DCC: variants seen among roughly 807,000 people sequenced by gnomAD.
The protein encoded by DCC is DCC netrin 1 receptor.
DCC carries 58 observed loss-of-function variants against 172.5 expected under a neutral mutation model. The ratio of observed to expected loss-of-function variants is 0.34; its 90% confidence interval spans 0.27 to 0.42. DCC has a LOEUF of 0.42. Ranked by LOEUF, DCC falls within the 10% of genes least tolerant of loss-of-function variation. The pLI is 1.00. For missense variants in DCC, 1,740 were observed against 1,791.0 expected, an observed-to-expected ratio of 0.97 and a Z score of 0.51; for synonymous variants, 709 against 644.5, an observed-to-expected ratio of 1.10 and a Z score of -1.52.
At chr18:53,233,688 C>T (rs1394748529) in intron 12 of DCC, among the ~76,000 whole-genome samples, 1 of 152,210 alleles carries the variant, frequency 6.6e-6, no homozygotes. Flanking sequence ...ATTCACCAAG[C>T]ATGTGAACCA....
chr18:52,590,528 C>T (rs1331098201), intron 1 of DCC, among the ~76,000 whole-genome samples: 1 of 152,130 alleles, frequency 6.6e-6, no homozygotes, highest in Non-Finnish European at 1.5e-5. Context: ...CTGGTGTTGG[C>T]ACAGATCTGT....
At chr18:53,020,032 A>G (rs2143914400) in intron 5 of DCC, among the ~76,000 whole-genome samples, 1 of 152,300 alleles carries the variant, frequency 6.6e-6, no homozygotes, top group Non-Finnish European at 1.5e-5. Flanking sequence ...AAGAAATGGG[A>G]AATGATGGAC....
intron 15 of DCC, among the ~76,000 whole-genome samples, chr18:53,364,861 CACAT>C (rs2057985950): frequency 6.6e-6 from 1 of 152,070 alleles, no homozygotes; most frequent in South Asian, 2.1e-4. Context: ...CACACATGCA[CACAT>C]ACATACACAG....
intron 9 of DCC, among the ~76,000 whole-genome samples, chr18:53,190,685 G>A (rs1401138569): frequency 6.6e-6 from 1 of 152,144 alleles, no homozygotes; most frequent in Non-Finnish European, 1.5e-5. Context: ...AGTGGTTCAC[G>A]CCTGTAATCC....
At chr18:53,282,452 C>T (rs536005267) in intron 12 of DCC, among the ~76,000 whole-genome samples, 22 of 152,180 alleles carry the variant, frequency 1.4e-4, no homozygotes, top group African/African-American at 5.1e-4. Context: ...TTTCTGAAGT[C>T]AAGATTTAGA....
At chr18:53,034,488 ACT>A (rs2042066034) in intron 5 of DCC, among the ~76,000 whole-genome samples, 1 of 151,974 alleles carries the variant, frequency 6.6e-6, no homozygotes, top group Non-Finnish European at 1.5e-5. Context: ...AATCCCATTG[ACT>A]CTAATTTCAA....
chr18:53,410,809 A>G (rs1421966881), intron 20 of DCC, among the ~76,000 whole-genome samples, 163 bp downstream of exon 20: 1 of 152,184 alleles, frequency 6.6e-6, no homozygotes, highest in African/African-American at 2.4e-5. Flanking sequence ...CAAAGCCGAC[A>G]TATCAAAGAA....
intron 5 of DCC, among the ~76,000 whole-genome samples, chr18:52,976,936 G>A (rs1443234650): frequency 6.6e-6 from 1 of 152,106 alleles, no homozygotes; most frequent in Non-Finnish European, 1.5e-5. Flanking sequence ...GTCCTCTTAA[G>A]TTTGTAAACC....
intron 1 of DCC, among the ~76,000 whole-genome samples, chr18:52,578,516 T>G (rs1033660226): frequency 2.6e-5 from 4 of 152,330 alleles, no homozygotes; most frequent in African/African-American, 7.2e-5. Flanking sequence ...GTATGAAATT[T>G]TTGTCCTCTG....
At chr18:52,634,375 G>A (rs1042470156) in intron 1 of DCC, among the ~76,000 whole-genome samples, 2 of 152,028 alleles carry the variant, frequency 1.3e-5, no homozygotes, top group African/African-American at 4.8e-5. Context: ...GTATTTGTAT[G>A]GAATTTTTGT....
chr18:53,514,381 C>T (rs531223447), intron 27 of DCC, among the ~76,000 whole-genome samples: 1 of 151,892 alleles, frequency 6.6e-6, no homozygotes, highest in Non-Finnish European at 1.5e-5. Flanking sequence ...CTAACATCAC[C>T]ATTAAAAGAA....
chr18:52,882,770 C>T (rs924466161), intron 2 of DCC, among the ~76,000 whole-genome samples: 7 of 152,014 alleles, frequency 4.6e-5, no homozygotes, highest in Non-Finnish European at 7.4e-5. Flanking sequence ...AGCTATTAGG[C>T]TTACTTGGTC....
rs564530532 is a variant in DCC at position 52,410,495 on chromosome 18, A to G, written c.91+69617A>G. On this transcript the variant is annotated intron_variant, in intron 1 of 28. Coordinates refer to ENST00000442544, the MANE Select transcript of DCC (RefSeq NM_005215.4). Reference sequence around the variant, plus strand: ...GTTTTGGTGTTTTTGTTCCCCCCATATAAGGAAAGCCTTCACATTGCAACC... The same window carrying G: ...GTTTTGGTGTTTTTGTTCCCCCCATGTAAGGAAAGCCTTCACATTGCAACC... 2.5e-3 allele frequency among the ~76,000 whole-genome samples: 377 copies of G among 152,272 alleles called. 2 individuals carry two copies. Among genetic ancestry groups the G allele is most frequent in the African/African-American group, 8.7e-3 (360 of 41,572 alleles).
At chr18:53,469,094 C>T (rs757626782) in intron 25 of DCC, among the ~76,000 whole-genome samples, 8 of 152,172 alleles carry the variant, frequency 5.3e-5, no homozygotes. Context: ...CCACCAGGAC[C>T]TCCAATCCAT....
At chr18:53,470,135 C>T (rs533546199) in intron 25 of DCC, among the ~76,000 whole-genome samples, 22 of 152,204 alleles carry the variant, frequency 1.4e-4, no homozygotes, top group African/African-American at 5.1e-4. Context: ...TCTCCCTACA[C>T]CTGCTTCTTA....
At chr18:53,334,427 A>G (rs1206339325) in intron 14 of DCC, among the ~76,000 whole-genome samples, 1 of 152,216 alleles carries the variant, frequency 6.6e-6, no homozygotes, top group African/African-American at 2.4e-5. Context: ...AAAAATAGAC[A>G]AAACCTTAAA....
intron 5 of DCC, among the ~76,000 whole-genome samples, chr18:52,957,072 C>T (rs1428681720): frequency 1.3e-5 from 2 of 152,052 alleles, no homozygotes; most frequent in African/African-American, 4.8e-5. Flanking sequence ...TAGACTATTT[C>T]CTGAAACTTC....
chr18:53,131,878 C>G (rs1170310961), intron 7 of DCC, among the ~76,000 whole-genome samples: 1 of 146,370 alleles, frequency 6.8e-6, no homozygotes, highest in Non-Finnish European at 1.5e-5. Flanking sequence ...TAAATCGGTG[C>G]AAATCAAAAT....
chr18:52,871,714 C>A (rs1288090910), intron 2 of DCC, among the ~76,000 whole-genome samples: 1 of 152,088 alleles, frequency 6.6e-6, no homozygotes, highest in African/African-American at 2.4e-5. Flanking sequence ...CTTGACCTCC[C>A]AAAGTGGTGA....
Sources: allele counts gnomAD v4.1 joint callset (sites outside exome capture counted in the v4.1 genomes callset), GRCh38; gene constraint gnomAD v4.1.1; transcripts MANE v1.5; gene names NCBI Gene and HGNC (gene_info 2026-07-23, HGNC 2026-07-21).